The following ANO3 variants were observed in gnomAD, a reference collection of about 807,000 sequenced individuals.
The protein encoded by ANO3 is anoctamin 3, also known as anoctamin-3.
ANO3 carries 99 observed loss-of-function variants against 144.8 expected under a neutral mutation model. That is an observed-to-expected ratio of 0.68 (90% CI 0.58 to 0.81). The LOEUF (loss-of-function observed/expected upper bound fraction) is 0.81, where lower values mean the gene tolerates loss of function less well. ANO3 is among the 30% of genes least tolerant of loss of function. The pLI is 0.00. For synonymous variants in ANO3, 414 were observed against 392.6 expected (o/e 1.05, Z -0.64); for missense variants, 905 against 1,202.2 (o/e 0.75, Z 3.66).
intron 13 of ANO3, among the ~76,000 whole-genome samples, chr11:26,557,381 A>G (rs1266303794): frequency 6.6e-6 from 1 of 151,642 alleles, no homozygotes; most frequent in Admixed American, 6.6e-5. Flanking sequence ...GAATGGCGTG[A>G]ACCCAGGAAA....
chr11:26,256,059 A>C (rs1853049917), intron 1 of ANO3, among the ~76,000 whole-genome samples: 1 of 152,174 alleles, frequency 6.6e-6, no homozygotes, highest in Non-Finnish European at 1.5e-5. Context: ...GCAGGACACT[A>C]TCAGGAAGCG....
At chr11:26,524,570 G>A (rs1185752667) in intron 6 of ANO3, among the ~76,000 whole-genome samples, 2 of 152,164 alleles carry the variant, frequency 1.3e-5, no homozygotes, top group African/African-American at 4.8e-5. Flanking sequence ...TAGTGATGGG[G>A]ATAAAGAGGT....
intron 17 of ANO3, among the ~76,000 whole-genome samples, chr11:26,601,756 AG>A (rs1441497247): frequency 6.6e-6 from 1 of 152,224 alleles, no homozygotes; most frequent in Non-Finnish European, 1.5e-5. Flanking sequence ...CAGTAGACAG[AG>A]GTTATTGCAA....
upstream of ANO3, among the ~76,000 whole-genome samples, chr11:26,308,750 G>A (rs544056042): frequency 2.9e-3 from 447 of 152,268 alleles, no homozygotes; most frequent in Middle Eastern, 0.01. Flanking sequence ...TGTCTAATGA[G>A]GGAGGCAGAG....
chr11:26,360,810 T>A (rs910764708), intron 1 of ANO3, among the ~76,000 whole-genome samples: 1 of 152,206 alleles, frequency 6.6e-6, no homozygotes, highest in Non-Finnish European at 1.5e-5. Flanking sequence ...ATGTTTTAAC[T>A]TCATGGATTA....
chr11:26,333,927 G>A lies in ANO3; in HGVS notation c.46+1606G>A, dbSNP rs1045101142. ...TGAAGACAAAGATGATAGGAACTTT[G>A]CAACAGCCTCACAGAATAAATACCT... On this transcript the variant is annotated intron_variant, in intron 1 of 26. Coordinates refer to ENST00000256737, the MANE Select transcript of ANO3 (RefSeq NM_031418.4). 6.6e-5 allele frequency among the ~76,000 whole-genome samples: 10 copies of A among 152,308 alleles called. No individual in the cohort carries two copies. In the East Asian group the frequency reaches 1.7e-3, roughly 26 times the overall value.
chr11:26,245,411 T>C (rs1051811842), intron 1 of ANO3, among the ~76,000 whole-genome samples: 16 of 152,194 alleles, frequency 1.1e-4, no homozygotes, highest in African/African-American at 3.6e-4. Flanking sequence ...CCCGAATCAA[T>C]TATTACAATA....
chr11:26,624,560 G>A, intron 18 of ANO3, 62 bp downstream of exon 18: 2 of 1,195,118 alleles, frequency 1.7e-6, no homozygotes, highest in South Asian at 1.3e-5. Context: ...ATTTCAGTCT[G>A]TAGTTACTTT....
At chr11:26,320,621 T>C (rs1366358569) in intron 1 of ANO3, among the ~76,000 whole-genome samples, 1 of 152,208 alleles carries the variant, frequency 6.6e-6, no homozygotes, top group Admixed American at 6.5e-5. Flanking sequence ...AGTTTACTTT[T>C]ATATTAAATG....
chr11:26,250,410 C>T (rs1384418264), intron 1 of ANO3, among the ~76,000 whole-genome samples: 2 of 152,172 alleles, frequency 1.3e-5, no homozygotes, highest in African/African-American at 4.8e-5. Flanking sequence ...CAGTCTCTGG[C>T]ATCCATATCT....
rs1854012382 is a variant in ANO3 at position 26,293,533 on chromosome 11, G to GTATATATATATATATC, written c.155-16097_155-16096insCTATATATATATATAT. Among the ~76,000 whole-genome samples the GTATATATATATATATC allele has an allele frequency of 3.5e-4, 9 of 25,940 alleles. No homozygotes were observed. In the East Asian group the frequency reaches 5.7e-3, roughly 16 times the overall value. 17.0% of individuals were successfully genotyped at this position (25,940 alleles called of 152,430 possible). ...TCTAGAGTGGGTCTATAAATTCCAT[G>GTATATATATATATATC]TATATATATATATATATATATATAT... On this transcript the variant is annotated intron_variant, in intron 1 of 27. Transcript: ENST00000672621.
At chr11:26,451,413 A>G (rs973963108) in intron 3 of ANO3, among the ~76,000 whole-genome samples, 1 of 152,134 alleles carries the variant, frequency 6.6e-6, no homozygotes, top group Admixed American at 6.5e-5. Context: ...GGCTTAAAAA[A>G]CGGCACACCA....
intron 20 of ANO3, among the ~76,000 whole-genome samples, chr11:26,637,802 C>T (rs752261013): frequency 3.9e-5 from 6 of 151,954 alleles, no homozygotes; most frequent in Non-Finnish European, 8.8e-5. Context: ...TTTGAAGTTC[C>T]ACTAGTACCA....
chr11:26,206,877 T>C (rs557718834), intron 1 of ANO3, among the ~76,000 whole-genome samples: 1 of 152,278 alleles, frequency 6.6e-6, no homozygotes, highest in Admixed American at 6.5e-5. Flanking sequence ...CTAAAATAAG[T>C]CAAGTTAATA....
intron 1 of ANO3, among the ~76,000 whole-genome samples, chr11:26,360,723 C>G (rs1001897194): frequency 6.6e-6 from 1 of 152,030 alleles, no homozygotes; most frequent in Non-Finnish European, 1.5e-5. Context: ...GAAGCTTTCT[C>G]TGCTCTACTT....
intron 1 of ANO3, among the ~76,000 whole-genome samples, chr11:26,205,213 T>C (rs1268331250): frequency 6.6e-6 from 1 of 152,158 alleles, no homozygotes; most frequent in Non-Finnish European, 1.5e-5. Flanking sequence ...GGTGAGATTT[T>C]GGTGGGGACA....
chr11:26,436,919 A>G (rs1858316799), intron 1 of ANO3, among the ~76,000 whole-genome samples: 1 of 152,108 alleles, frequency 6.6e-6, no homozygotes, highest in Non-Finnish European at 1.5e-5. Context: ...GCTTCTTTGT[A>G]GAACTGCTCC....
chr11:26,480,535 C>T (rs73447731), intron 4 of ANO3, among the ~76,000 whole-genome samples: 7,916 of 152,024 alleles, frequency 0.052, 389 homozygotes, highest in African/African-American at 0.13. Flanking sequence ...CTGAGCAGGC[C>T]GGGCACTCAT....
intron 1 of ANO3, among the ~76,000 whole-genome samples, chr11:26,337,928 C>G (rs1855234755): frequency 6.6e-6 from 1 of 151,858 alleles, no homozygotes; most frequent in South Asian, 2.1e-4. Context: ...GAGCAAAACT[C>G]AGTCTCAAAA....
Sources: allele counts gnomAD v4.1 joint callset (sites outside exome capture counted in the v4.1 genomes callset), GRCh38; gene constraint gnomAD v4.1.1; transcripts MANE v1.5; gene names NCBI Gene and HGNC (gene_info 2026-07-23, HGNC 2026-07-21).